Variants in FAM227B observed in about 807,000 individuals in gnomAD.
FAM227B encodes the protein protein FAM227B.
In FAM227B, 88 loss-of-function variants were observed where a neutral mutation model predicts 73.8. That is an observed-to-expected ratio of 1.19 (90% CI 1.00 to 1.42). The LOEUF (loss-of-function observed/expected upper bound fraction) is 1.42, where lower values mean the gene tolerates loss of function less well. FAM227B is among the 40% of genes most tolerant of loss of function. The pLI is 0.00. For synonymous variants in FAM227B, 210 were observed against 190.5 expected, an observed-to-expected ratio of 1.10 and a Z score of -0.84; for missense variants, 632 against 590.9, an observed-to-expected ratio of 1.07 and a Z score of -0.72.
In FAM227B at chr15:49,577,692, A is replaced by G. The variant is rs112370122; in HGVS notation, c.406-28T>C. 641 of 1,424,614 alleles carry G rather than the reference A, an allele frequency of 4.5e-4. 3 individuals are homozygous for G. In the African/African-American group the frequency reaches 7.9e-3, roughly 17 times the overall value. The allele number at this position is 1,424,614 out of a possible 1,614,324, so 88.2% of individuals were successfully genotyped here. A position where few individuals can be genotyped will look rare whatever the true frequency, so the allele number is the denominator to read the frequency against. On this transcript the variant is annotated intron_variant, in intron 5 of 15. Coordinates refer to ENST00000299338, the MANE Select transcript of FAM227B (RefSeq NM_152647.3). ...GGAAAACATTTTAAATAAACTCTTT[A>G]AAACTCTAAATTAAAGAAATTTTAC...
At chr15:49,380,940 C>T (rs889761019) in intron 11 of FAM227B, among the ~76,000 whole-genome samples, 1 of 152,104 alleles carries the variant, frequency 6.6e-6, no homozygotes. Flanking sequence ...TATGGTTCTG[C>T]GGGATGTACA....
intron 11 of FAM227B, chr15:49,485,037 A>T (rs1053242232): frequency 5.9e-5 from 9 of 152,150 alleles, no homozygotes; most frequent in African/African-American, 2.2e-4. Context: ...AACTCTAATC[A>T]GAAAAAAAAT....
At chr15:49,417,532 C>T (rs1267904328) in intron 11 of FAM227B, among the ~76,000 whole-genome samples, 2 of 152,150 alleles carry the variant, frequency 1.3e-5, no homozygotes, top group African/African-American at 4.8e-5. Context: ...CCACAACTAT[C>T]TGATCGTTGA....
chr15:49,329,664 A>G, intron 15 of FAM227B: 1 of 984,120 alleles, frequency 1.0e-6, no homozygotes, highest in Non-Finnish European at 1.2e-6. Flanking sequence ...AAATTTGTTA[A>G]AAGAATTTTG....
At chr15:49,438,812 G>T (rs1035346514) in intron 11 of FAM227B, among the ~76,000 whole-genome samples, 7 of 147,828 alleles carry the variant, frequency 4.7e-5, no homozygotes, top group Non-Finnish European at 1.0e-4. Context: ...GTTGTTAAAT[G>T]TTACCAATAG....
At position 49,541,787 on chromosome 15, in the gene FAM227B, G is replaced by A; in HGVS notation, c.767C>T (p.Ala256Val). The change falls in exon 10 of 16, where the codon GCA (alanine) becomes GTA (valine). Residue 256 changes from alanine (A) to valine (V), a missense_variant. Ala to Val is a moderately conservative substitution (Grantham distance 64). Coordinates refer to ENST00000299338, the MANE Select transcript of FAM227B (RefSeq NM_152647.3). ...AFFQIYPDCL[A>V]QAIYATFHEA... ...ATGGAACGTTGCATATATGGCTTGTGCCAAACAATCAGGATATATCTACCA... is the reference window on the plus strand; with the variant it reads ...ATGGAACGTTGCATATATGGCTTGTACCAAACAATCAGGATATATCTACCA... 1 of 1,500,776 alleles carries A rather than the reference G, an allele frequency of 6.7e-7. No homozygotes were observed. The highest frequency in any genetic ancestry group is 8.9e-7 in the Non-Finnish European group (1 of 1,124,360). The allele number at this position is 1,500,776 out of a possible 1,614,324, so 93.0% of individuals were successfully genotyped here. A position where few individuals can be genotyped will look rare whatever the true frequency, so the allele number is the denominator to read the frequency against.
intron 11 of FAM227B, chr15:49,487,099 A>G (rs1299919359): frequency 6.6e-6 from 1 of 151,898 alleles, no homozygotes; most frequent in Non-Finnish European, 1.5e-5. Flanking sequence ...ATTTGTACAC[A>G]AATGTGACTA....
At chr15:49,470,167 T>A (rs911619904) in intron 11 of FAM227B, among the ~76,000 whole-genome samples, 2 of 152,124 alleles carry the variant, frequency 1.3e-5, no homozygotes, top group African/African-American at 4.8e-5. Flanking sequence ...AATGTTACTG[T>A]AGATTGTAAA....
chr15:49,580,474 G>C (rs1172400203), intron 5 of FAM227B, among the ~76,000 whole-genome samples: 1 of 152,112 alleles, frequency 6.6e-6, no homozygotes, highest in African/African-American at 2.4e-5. Flanking sequence ...AAAACATCCA[G>C]AAACAAAGCC....
intron 8 of FAM227B, among the ~76,000 whole-genome samples, chr15:49,570,969 C>G (rs2075057580): frequency 6.7e-6 from 1 of 148,780 alleles, no homozygotes; most frequent in Middle Eastern, 3.3e-3. Context: ...CTTCTTTATC[C>G]ATTCATCCAT....
At chr15:49,583,481 G>C (rs1296933648) in intron 5 of FAM227B, among the ~76,000 whole-genome samples, 1 of 152,032 alleles carries the variant, frequency 6.6e-6, no homozygotes, top group Non-Finnish European at 1.5e-5. Context: ...ACAATGTCAG[G>C]AGGTTACTCT....
intron 10 of FAM227B, among the ~76,000 whole-genome samples, chr15:49,533,303 T>C (rs1163155845): frequency 6.6e-6 from 1 of 152,012 alleles, no homozygotes; most frequent in Non-Finnish European, 1.5e-5. Flanking sequence ...ATATGATCTA[T>C]CCTGGAAAAT....
In FAM227B at chr15:49,527,706, A is replaced by G. The variant is rs147821171; in HGVS notation, c.874+13974T>C. On this transcript the variant is annotated intron_variant, in intron 10 of 15. Transcript: ENST00000299338. Reference sequence around the variant, plus strand: ...AAATCAGTAGCATTTCTACACACTGATAATGTTCAAGCTAAAACCAAACCA... The same window carrying G: ...AAATCAGTAGCATTTCTACACACTGGTAATGTTCAAGCTAAAACCAAACCA... Among the ~76,000 whole-genome samples, 32 of 152,030 alleles carry G rather than the reference A, an allele frequency of 2.1e-4. 2 individuals are homozygous for G. In the East Asian group the frequency reaches 6.0e-3, roughly 28 times the overall value.
intron 11 of FAM227B, among the ~76,000 whole-genome samples, chr15:49,500,861 A>T (rs1348509322): frequency 2.0e-5 from 3 of 152,108 alleles, no homozygotes; most frequent in Non-Finnish European, 4.4e-5. Context: ...CTCTGAGTTC[A>T]TATGAGGTCT....
rs2054519332 is a variant in FAM227B, at chr15:49,469,171, CATTT to C, written c.1012+39036_1012+39039del. 2.0e-5 allele frequency among the ~76,000 whole-genome samples: 3 copies of C among 151,966 alleles called. No individual in the cohort carries two copies. The South Asian group carries it at 6.2e-4, about 32-fold the overall frequency. ...AATAAATGTAAAATGGTACTTGAGT[CATTT>C]ATTTTCTTATAAGACATTTGTCTAT... On this transcript the variant is annotated intron_variant, in intron 11 of 15. Transcript: ENST00000299338.
chr15:49,523,937 G>T (rs890102320), intron 10 of FAM227B, among the ~76,000 whole-genome samples: 2 of 152,134 alleles, frequency 1.3e-5, no homozygotes, highest in African/African-American at 2.4e-5. Flanking sequence ...TTTGGCAGAA[G>T]AAATTTCTAA....
intron 5 of FAM227B, among the ~76,000 whole-genome samples, chr15:49,587,324 C>A (rs2076228349): frequency 1.3e-5 from 2 of 151,960 alleles, no homozygotes; most frequent in Admixed American, 1.3e-4. Flanking sequence ...ACACTGGGGC[C>A]TATTGAAGGG....
chr15:49,549,474 T>C (rs1379044908), intron 9 of FAM227B, among the ~76,000 whole-genome samples: 1 of 152,136 alleles, frequency 6.6e-6, no homozygotes, highest in Non-Finnish European at 1.5e-5. Context: ...CCCTGTGGCC[T>C]GGCCTTCCAC....
intron 14 of FAM227B, among the ~76,000 whole-genome samples, chr15:49,332,720 G>C (rs935422149): frequency 7.2e-5 from 11 of 152,206 alleles, no homozygotes; most frequent in Non-Finnish European, 1.0e-4. Flanking sequence ...TTGGCAGGAA[G>C]TAAAATTTTC....
Sources: allele counts gnomAD v4.1 joint callset (sites outside exome capture counted in the v4.1 genomes callset), GRCh38; gene constraint gnomAD v4.1.1; transcripts MANE v1.5; gene names NCBI Gene and HGNC (gene_info 2026-07-23, HGNC 2026-07-21).